The following PLA2G4C variants were observed in gnomAD, a reference collection of about 807,000 sequenced individuals.
The protein encoded by PLA2G4C is cytosolic phospholipase A2 gamma.
Under a neutral mutation model 73.8 loss-of-function variants are expected in PLA2G4C, and 64 were observed. That is an observed-to-expected ratio of 0.87 (90% CI 0.71 to 1.07). The LOEUF is 1.07. Ranked by LOEUF, PLA2G4C falls within the 50% of genes least tolerant of loss-of-function variation. The probability of loss-of-function intolerance (pLI) is 0.00; values close to 1 mark genes in which losing one functional copy is unlikely to be tolerated. For synonymous variants in PLA2G4C, 254 were observed against 252.1 expected (o/e 1.01, Z -0.07); for missense variants, 622 against 665.4 (o/e 0.93, Z 0.72).
intron 2 of PLA2G4C, 70 bp from the exon 3 acceptor site, chr19:48,105,514 C>G: frequency 8.0e-7 from 1 of 1,250,356 alleles, no homozygotes; most frequent in Admixed American, 1.8e-5. Context: ...AGAATTTGAC[C>G]TAGAACTGGG....
intron 7 of PLA2G4C, among the ~76,000 whole-genome samples, chr19:48,093,319 C>G (rs2031405279): frequency 6.6e-6 from 1 of 152,158 alleles, no homozygotes; most frequent in Non-Finnish European, 1.5e-5. Flanking sequence ...CTTCATCCAT[C>G]TCCAGGTTTC....
chr19:48,089,593 C>A (rs2031179336), intron 8 of PLA2G4C, among the ~76,000 whole-genome samples: 1 of 152,278 alleles, frequency 6.6e-6, no homozygotes, highest in East Asian at 1.9e-4. Context: ...AGGCTTGGCT[C>A]TAAGCATTTT....
chr19:48,082,244 AT>A lies in PLA2G4C; in HGVS notation c.844+2814del, dbSNP rs201385739. On this transcript the variant is annotated intron_variant, in intron 10 of 16. Coordinates refer to ENST00000599921, the MANE Select transcript of PLA2G4C (RefSeq NM_003706.3). ...TAAAAATTCAAAAAAAAACAAAAAAATCTTAATATTTAAAAATATTATTACC... is the reference window on the plus strand; with the variant it reads ...TAAAAATTCAAAAAAAAACAAAAAAACTTAATATTTAAAAATATTATTACC... 3.3e-3 allele frequency among the ~76,000 whole-genome samples: 496 copies of A among 152,166 alleles called. 1 individual carries two copies. The highest frequency in any genetic ancestry group is 5.0e-3 in the Non-Finnish European group (343 of 68,010).
intron 13 of PLA2G4C, chr19:48,064,691 A>G (rs1307041590): frequency 2.6e-5 from 4 of 152,074 alleles, no homozygotes; most frequent in African/African-American, 7.2e-5. Flanking sequence ...AGATAGAGTC[A>G]CTCTGGTTCC....
At chr19:48,057,473 TCTTC>T (rs1967986476) in intron 14 of PLA2G4C, among the ~76,000 whole-genome samples, 1 of 50,458 alleles carries the variant, frequency 2.0e-5, no homozygotes, top group African/African-American at 1.1e-4. Flanking sequence ...TTCTTCTTCT[TCTTC>T]TTCTTCTTTT....
At chr19:48,096,615 T>C (rs1174708815) in intron 6 of PLA2G4C, 5 of 152,372 alleles carry the variant, frequency 3.3e-5, no homozygotes, top group Non-Finnish European at 7.3e-5. Context: ...CCATTCACAC[T>C]GGGGGCTTCT....
At chr19:48,066,129 A>G (rs972251093) in intron 13 of PLA2G4C, among the ~76,000 whole-genome samples, 57 of 151,894 alleles carry the variant, frequency 3.8e-4, no homozygotes, top group African/African-American at 1.3e-3. Flanking sequence ...ACTGCTAGTC[A>G]GCTTTTCCTG....
chr19:48,086,176 GAGC>G (rs750628694), intron 9 of PLA2G4C, among the ~76,000 whole-genome samples: 3 of 152,220 alleles, frequency 2.0e-5, no homozygotes, highest in Non-Finnish European at 4.4e-5. Context: ...CATGGCCTGA[GAGC>G]AGTGGTTGCT....
At chr19:48,053,262 A>G (rs1445401165) in intron 15 of PLA2G4C, 115 bp from the exon 16 acceptor site, 4 of 634,962 alleles carry the variant, frequency 6.3e-6, no homozygotes, top group Non-Finnish European at 1.0e-5. Context: ...GACCAAATCC[A>G]GTCGGCCCAC....
At chr19:48,097,253 T>TC (rs1251334814) in intron 6 of PLA2G4C, 13 of 72,092 alleles carry the variant, frequency 1.8e-4, no homozygotes, top group African/African-American at 6.3e-4. Flanking sequence ...TCTTTTTTCT[T>TC]TTTTTTTTTT....
At position 48,095,663 on chromosome 19, in the gene PLA2G4C, A is replaced by G. The variant is rs181527630; in HGVS notation, c.569-59T>C. The stretch of plus-strand genomic sequence containing the variant: ...GCACAGAACCAGGAATGTAGCAGGT[A>G]TGCAGGAAAAAGAAATCTATTAATG... On this transcript the variant is annotated intron_variant, in intron 6 of 16. Transcript: ENST00000599921. 71 of 1,535,084 alleles carry G rather than the reference A, an allele frequency of 4.6e-5. 1 individual carries two copies. In the African/African-American group the frequency reaches 5.2e-4, roughly 11 times the overall value.
chr19:48,048,199 G>A lies in PLA2G4C; in HGVS notation c.*144C>T. ...CAAAATCACAGTCTAGCTGGTCACT[G>A]GTGATTGGCCCTGTTAGGACAGCCA... is the stretch of plus-strand genomic sequence containing the variant. On this transcript the variant is annotated 3_prime_UTR_variant, in exon 17 of 17. Coordinates refer to ENST00000599921, the MANE Select transcript of PLA2G4C (RefSeq NM_003706.3). 1.6e-6 allele frequency: 1 copy of A among 621,874 alleles called. No homozygotes were observed. The highest frequency in any genetic ancestry group is 2.8e-6 in the Non-Finnish European group (1 of 356,862). The allele number at this position is 621,874 out of a possible 1,614,324, so 38.5% of individuals were successfully genotyped here.
Position 48,104,849 on chromosome 19 carries a change from G to A in PLA2G4C, c.121-125C>T, listed in dbSNP as rs931346013. On this transcript the variant is annotated intron_variant, in intron 3 of 16. Transcript: ENST00000599921. ...TGTAATCCCAGCACATTGGGAGGCC[G>A]AGGCAGGTGGATCACTTGAGGTCAG... The A allele has an allele frequency of 9.8e-5, 82 of 832,822 alleles. 3 individuals are homozygous for A. The South Asian group carries it at 1.3e-3, about 13-fold the overall frequency. The allele number at this position is 832,822 out of a possible 1,614,324, so 51.6% of individuals were successfully genotyped here.
chr19:48,085,659 G>A (rs1255994252), intron 9 of PLA2G4C, among the ~76,000 whole-genome samples: 2 of 152,124 alleles, frequency 1.3e-5, no homozygotes, highest in Non-Finnish European at 2.9e-5. Flanking sequence ...AGTGATTCAG[G>A]AATTAGACAG....
Position 48,058,773 on chromosome 19 carries a change from G to A in PLA2G4C, c.1257+3225C>T, listed in dbSNP as rs190687501. Among the ~76,000 whole-genome samples the A allele has an allele frequency of 2.2e-4, 33 of 148,792 alleles. No homozygotes were observed. The East Asian group carries it at 2.6e-3, about 12-fold the overall frequency. On this transcript the variant is annotated intron_variant, in intron 14 of 16. Coordinates refer to ENST00000599921, the MANE Select transcript of PLA2G4C (RefSeq NM_003706.3). The stretch of plus-strand genomic sequence containing the variant: ...GCGAAGGTTGCAGTGAGCCAAGATC[G>A]CACCACAGCACACCAGCCTGGGCGA...
chr19:48,084,040 T>TTGTG (rs71181645), intron 10 of PLA2G4C, among the ~76,000 whole-genome samples: 14,499 of 139,028 alleles, frequency 0.1, 749 homozygotes, highest in African/African-American at 0.13. Context: ...AATGCCAATT[T>TTGTG]TGTGTGTGTG....
At chr19:48,099,185 C>G (rs999918065) in intron 5 of PLA2G4C, among the ~76,000 whole-genome samples, 1 of 151,916 alleles carries the variant, frequency 6.6e-6, no homozygotes, top group Admixed American at 6.6e-5. Context: ...AAGAGGATTG[C>G]TTGAGCCCAG....
chr19:48,104,377 GT>G (rs374742303), intron 4 of PLA2G4C: 7 of 491,452 alleles, frequency 1.4e-5, no homozygotes, highest in African/African-American at 7.9e-5. Flanking sequence ...AGTGGGAGCA[GT>G]TTTTTGGGAC....
At chr19:48,106,681 C>G in intron 1 of PLA2G4C, 120 bp from the exon 2 acceptor site, 1 of 723,444 alleles carries the variant, frequency 1.4e-6, no homozygotes, top group South Asian at 1.6e-5. Flanking sequence ...CCAGACAAAA[C>G]CAATGCGAAC....
Sources: gnomAD v4.1 joint callset for allele counts (sites outside exome capture counted in the v4.1 genomes callset) on GRCh38, gnomAD v4.1.1 for gene constraint, MANE v1.5 for transcripts, NCBI Gene and HGNC (gene_info 2026-07-23, HGNC 2026-07-21) for gene names.